ANAPC1: variants seen among roughly 807,000 people sequenced by gnomAD.
ANAPC1 encodes the protein anaphase promoting complex subunit 1.
In ANAPC1, 36 loss-of-function variants were observed where a neutral mutation model predicts 208.0. That is an observed-to-expected ratio of 0.17 (90% CI 0.13 to 0.23). The LOEUF is 0.23. ANAPC1 is among the 10% of genes least tolerant of loss of function. The pLI is 1.00. For synonymous variants in ANAPC1, 378 were observed against 695.2 expected (o/e 0.54, Z 7.18); for missense variants, 942 against 2,011.6 (o/e 0.47, Z 10.17).
intron 17 of ANAPC1, among the ~76,000 whole-genome samples, chr2:111,842,147 T>G (rs967446405): frequency 6.6e-6 from 1 of 152,212 alleles, no homozygotes; most frequent in Admixed American, 6.5e-5. Context: ...TGGTTAACTA[T>G]GATAAAACTA....
chr2:111,875,660 T>C (rs2104600878), intron 3 of ANAPC1, among the ~76,000 whole-genome samples: 1 of 152,294 alleles, frequency 6.6e-6, no homozygotes, highest in African/African-American at 2.4e-5. Context: ...TCGCTTCCAT[T>C]TTAAAATCCT....
chr2:111,851,056 T>C (rs1681367383), intron 13 of ANAPC1, 146 bp from the exon 14 acceptor site: 2 of 1,093,830 alleles, frequency 1.8e-6, no homozygotes, highest in Non-Finnish European at 1.3e-6. Flanking sequence ...ACAATTCAAA[T>C]GTCAATAATC....
chr2:111,841,539 A>G (rs1468103755), intron 17 of ANAPC1, among the ~76,000 whole-genome samples: 1 of 151,788 alleles, frequency 6.6e-6, no homozygotes, highest in African/African-American at 2.4e-5. Context: ...AGGCAGAAAC[A>G]TGCTGGCAGT....
intron 13 of ANAPC1, among the ~76,000 whole-genome samples, chr2:111,851,575 G>A (rs1296231990): frequency 6.6e-6 from 1 of 152,020 alleles, no homozygotes; most frequent in Non-Finnish European, 1.5e-5. Context: ...GGGAGGCCGA[G>A]GCGGGCGGAT....
At chr2:111,880,871 C>T (rs1167921291) in intron 1 of ANAPC1, 22 bp from the exon 2 acceptor site, 2 of 1,590,982 alleles carry the variant, frequency 1.3e-6, no homozygotes, top group African/African-American at 2.7e-5. Context: ...CAAACACATT[C>T]TGGTCAGCTT....
intron 17 of ANAPC1, among the ~76,000 whole-genome samples, chr2:111,842,515 C>T (rs1160425792): frequency 1.3e-5 from 2 of 151,866 alleles, no homozygotes; most frequent in African/African-American, 2.4e-5. Flanking sequence ...TGGTGGCGGG[C>T]GCCTGTAGTC....
chr2:111,882,209 A>C (rs1444533842), intron 1 of ANAPC1, among the ~76,000 whole-genome samples: 1 of 151,782 alleles, frequency 6.6e-6, no homozygotes, highest in African/African-American at 2.4e-5. Context: ...AGCAAAAAAA[A>C]AACCTCTAGA....
chr2:111,872,472 C>A (rs1246593182), intron 6 of ANAPC1, among the ~76,000 whole-genome samples, 158 bp downstream of exon 6: 3 of 152,164 alleles, frequency 2.0e-5, no homozygotes, highest in Non-Finnish European at 4.4e-5. Flanking sequence ...ATTTTTGGAT[C>A]AGGGATACTC....
intron 38 of ANAPC1, among the ~76,000 whole-genome samples, chr2:111,792,049 G>A (rs967266066): frequency 1.3e-5 from 2 of 152,082 alleles, no homozygotes; most frequent in Non-Finnish European, 2.9e-5. Context: ...ACCTTTCTGA[G>A]AAAGTAGCTT....
intron 37 of ANAPC1, among the ~76,000 whole-genome samples, chr2:111,793,273 C>G (rs1002779983): frequency 6.6e-6 from 1 of 152,020 alleles, no homozygotes; most frequent in African/African-American, 2.4e-5. Flanking sequence ...GTCTCTCACT[C>G]TGTCACCCAG....
intron 5 of ANAPC1, chr2:111,873,047 T>C (rs1289187776): frequency 2.2e-6 from 1 of 460,760 alleles, no homozygotes; most frequent in South Asian, 3.6e-5. Context: ...TTATTTAATA[T>C]AACCAAAAGT....
intron 21 of ANAPC1, among the ~76,000 whole-genome samples, chr2:111,826,931 T>C (rs1679869447): frequency 6.6e-6 from 1 of 152,184 alleles, no homozygotes; most frequent in Non-Finnish European, 1.5e-5. Context: ...AGTGCTGAGA[T>C]TATGCCACCG....
chr2:111,861,486 T>A (rs1682061734), intron 10 of ANAPC1, among the ~76,000 whole-genome samples: 1 of 151,706 alleles, frequency 6.6e-6, no homozygotes, highest in Non-Finnish European at 1.5e-5. Context: ...TGATCCCAGC[T>A]GCCGTCTGTG....
In ANAPC1 at chr2:111,868,166, TGAAAA is replaced by T. The variant is rs575664711; in HGVS notation, c.612-75_612-71del. On this transcript the variant is annotated intron_variant, in intron 6 of 47. Transcript: ENST00000341068. ...CTGTGCACAAATTTTGCACTTCTAT[TGAAAA>T]GAAATCTCCAGATTACATGAGCAAC... 278 of 1,023,212 alleles carry T rather than the reference TGAAAA, an allele frequency of 2.7e-4. 5 individuals carry two copies. In the South Asian group the frequency reaches 3.4e-3, roughly 12 times the overall value. 63.4% of individuals were successfully genotyped at this position (1,023,212 alleles called of 1,614,324 possible).
intron 13 of ANAPC1, among the ~76,000 whole-genome samples, chr2:111,855,806 T>C (rs956030066): frequency 1.3e-5 from 2 of 152,182 alleles, no homozygotes; most frequent in Non-Finnish European, 2.9e-5. Context: ...ATACTGGCAA[T>C]ATTCTATTTC....
intron 2 of ANAPC1, among the ~76,000 whole-genome samples, chr2:111,879,184 T>C (rs10167739): frequency 0.58 from 87,607 of 152,042 alleles, 26,330 homozygotes; most frequent in South Asian, 0.69. Flanking sequence ...TTGAATGTTT[T>C]ATATTATTCC....
chr2:111,869,789 C>T (rs7582383), intron 6 of ANAPC1, among the ~76,000 whole-genome samples: 3,288 of 152,200 alleles, frequency 0.022, 106 homozygotes, highest in African/African-American at 0.074. Flanking sequence ...GTGGTGAATT[C>T]TGAGATTTTA....
At chr2:111,823,348 G>A (rs979548624) in intron 24 of ANAPC1, among the ~76,000 whole-genome samples, 5 of 151,988 alleles carry the variant, frequency 3.3e-5, no homozygotes, top group Non-Finnish European at 7.4e-5. Context: ...CATAGCCAAT[G>A]GTAGTGTAAA....
intron 14 of ANAPC1, among the ~76,000 whole-genome samples, chr2:111,848,360 TG>T (rs1268011465): frequency 6.7e-6 from 1 of 149,688 alleles, no homozygotes; most frequent in Non-Finnish European, 1.5e-5. Flanking sequence ...TTTTCTGCTC[TG>T]GCCATCTGCA....
Sources: allele counts gnomAD v4.1 joint callset (sites outside exome capture counted in the v4.1 genomes callset), GRCh38; gene constraint gnomAD v4.1.1; transcripts MANE v1.5; gene names NCBI Gene and HGNC (gene_info 2026-07-23, HGNC 2026-07-21).